Variants in PLCXD2 observed in about 807,000 individuals in gnomAD.
PLCXD2 encodes phosphatidylinositol specific phospholipase C X domain containing 2, also known as PI-PLC X domain-containing protein 2.
A neutral mutation model predicts 28.6 loss-of-function variants in PLCXD2; 21 were observed. The ratio of observed to expected loss-of-function variants is 0.73; its 90% CI spans 0.52 to 1.06. PLCXD2 has a LOEUF of 1.06. Ranked by LOEUF, PLCXD2 falls within the 50% of genes least tolerant of loss-of-function variation. The probability of loss-of-function intolerance (pLI) is 0.00; values close to 1 mark genes in which losing one functional copy is unlikely to be tolerated. For synonymous variants in PLCXD2, 140 were observed against 150.1 expected (o/e 0.93, Z 0.49); for missense variants, 369 against 376.7 (o/e 0.98, Z 0.17).
intron 3 of PLCXD2, among the ~76,000 whole-genome samples, chr3:111,717,027 CA>C (rs1248596242): frequency 2.0e-5 from 3 of 152,046 alleles, no homozygotes; most frequent in African/African-American, 7.2e-5. Flanking sequence ...CTTGGATGTC[CA>C]ACTTCTAAAA....
chr3:111,710,668 G>A (rs902837700), intron 2 of PLCXD2, among the ~76,000 whole-genome samples: 1 of 152,298 alleles, frequency 6.6e-6, no homozygotes, highest in East Asian at 1.9e-4. Context: ...TTGTATATTA[G>A]GCTAATGAAA....
intron 1 of PLCXD2, among the ~76,000 whole-genome samples, chr3:111,697,129 T>G (rs906531976): frequency 6.6e-6 from 1 of 152,194 alleles, no homozygotes; most frequent in African/African-American, 2.4e-5. Context: ...TTGCTATAAC[T>G]TATAAGATTT....
chr3:111,689,221 C>G (rs1940840351), intron 1 of PLCXD2, among the ~76,000 whole-genome samples: 2 of 152,102 alleles, frequency 1.3e-5, no homozygotes, highest in Admixed American at 1.3e-4. Context: ...AAGGACATTC[C>G]AGAGACAGGG....
chr3:111,697,732 G>GT (rs113699615), intron 1 of PLCXD2, among the ~76,000 whole-genome samples: 1 of 152,054 alleles, frequency 6.6e-6, no homozygotes, highest in South Asian at 2.1e-4. Context: ...GGTTGGATTT[G>GT]TTTTTCCATA....
At chr3:111,689,804 G>A (rs1383949287) in intron 1 of PLCXD2, among the ~76,000 whole-genome samples, 1 of 152,156 alleles carries the variant, frequency 6.6e-6, no homozygotes, top group Non-Finnish European at 1.5e-5. Flanking sequence ...GAGAAACTAG[G>A]ACAGGCAGGA....
At chr3:111,711,404 CA>C (rs1037197376) in intron 2 of PLCXD2, among the ~76,000 whole-genome samples, 6 of 151,866 alleles carry the variant, frequency 4.0e-5, no homozygotes, top group African/African-American at 1.2e-4. Context: ...AACTCCGTCT[CA>C]AAAAAATAAA....
intron 1 of PLCXD2, among the ~76,000 whole-genome samples, chr3:111,693,546 G>A (rs184536121): frequency 3.9e-5 from 6 of 152,274 alleles, no homozygotes; most frequent in Non-Finnish European, 8.8e-5. Context: ...TCTGGCTATT[G>A]TAGTTACTTC....
chr3:111,710,063 A>T (rs1468583408), intron 2 of PLCXD2, among the ~76,000 whole-genome samples: 2 of 152,182 alleles, frequency 1.3e-5, no homozygotes, highest in Admixed American at 6.5e-5. Context: ...GTATGAAAGA[A>T]CATGAGGATT....
intron 3 of PLCXD2, among the ~76,000 whole-genome samples, chr3:111,720,124 A>T (rs1395921434): frequency 6.6e-6 from 1 of 152,194 alleles, no homozygotes; most frequent in African/African-American, 2.4e-5. Context: ...TTCTTTCAAC[A>T]TTGCCATATG....
At chr3:111,711,011 A>C (rs1054052374) in intron 2 of PLCXD2, among the ~76,000 whole-genome samples, 27 of 152,220 alleles carry the variant, frequency 1.8e-4, no homozygotes, top group Non-Finnish European at 1.5e-5. Flanking sequence ...AAGGAAAGAG[A>C]CTGTGATGAT....
intron 1 of PLCXD2, 146 bp downstream of exon 1, chr3:111,675,554 C>T: frequency 3.4e-6 from 3 of 881,404 alleles, no homozygotes; most frequent in South Asian, 2.8e-5. Flanking sequence ...AACACTGAAG[C>T]AGCTGCTTTA....
chr3:111,695,407 C>T (rs1188607986), intron 1 of PLCXD2, among the ~76,000 whole-genome samples: 2 of 152,114 alleles, frequency 1.3e-5, no homozygotes, highest in African/African-American at 2.4e-5. Context: ...CAATTGGGCA[C>T]AGTAAGAGAT....
chr3:111,702,458 G>A (rs1453673400), intron 1 of PLCXD2, among the ~76,000 whole-genome samples: 1 of 152,192 alleles, frequency 6.6e-6, no homozygotes, highest in African/African-American at 2.4e-5. Context: ...CGTGTGTGGA[G>A]TAAGGCATGT....
At chr3:111,687,684 C>CTTTTTTTTTTTT (rs5851776) in intron 1 of PLCXD2, among the ~76,000 whole-genome samples, 1 of 137,318 alleles carries the variant, frequency 7.3e-6, no homozygotes. Flanking sequence ...TTCTTTCTTT[C>CTTTTTTTTTTTT]TTTTTTTTTT....
At chr3:111,715,944 A>G (rs1381613899) in intron 3 of PLCXD2, among the ~76,000 whole-genome samples, 1 of 152,230 alleles carries the variant, frequency 6.6e-6, no homozygotes, top group East Asian at 1.9e-4. Flanking sequence ...ATATCTGTAC[A>G]TTCCTAAAAC....
chr3:111,710,823 T>C (rs1018118042), intron 2 of PLCXD2, among the ~76,000 whole-genome samples: 3 of 152,166 alleles, frequency 2.0e-5, no homozygotes, highest in Admixed American at 2.0e-4. Context: ...AGGATTGAGA[T>C]GGGTTGACAT....
chr3:111,690,484 G>GA (rs924729871), intron 1 of PLCXD2, among the ~76,000 whole-genome samples: 1 of 152,126 alleles, frequency 6.6e-6, no homozygotes, highest in African/African-American at 2.4e-5. Context: ...CTCCGGCACA[G>GA]AAAAAAATCT....
intron 1 of PLCXD2, among the ~76,000 whole-genome samples, chr3:111,688,942 T>C (rs1940835595): frequency 6.6e-6 from 1 of 152,048 alleles, no homozygotes; most frequent in South Asian, 2.1e-4. Flanking sequence ...GATTACTTAA[T>C]ATATACCTAA....
At chr3:111,687,742 A>G (rs1940816290) in intron 1 of PLCXD2, among the ~76,000 whole-genome samples, 1 of 149,932 alleles carries the variant, frequency 6.7e-6, no homozygotes, top group Non-Finnish European at 1.5e-5. Flanking sequence ...GCTGGAGTAC[A>G]GTGACGTGAC....
Sources: allele counts gnomAD v4.1 joint callset (sites outside exome capture counted in the v4.1 genomes callset), GRCh38; gene constraint gnomAD v4.1.1; transcripts MANE v1.5; gene names NCBI Gene and HGNC (gene_info 2026-07-23, HGNC 2026-07-21).